Variants in SPAG16 observed in about 807,000 individuals in gnomAD.
SPAG16 encodes the protein sperm associated antigen 16.
SPAG16 carries 86 observed loss-of-function variants against 80.4 expected under a neutral mutation model. That is an observed-to-expected ratio of 1.07 (90% CI 0.90 to 1.28). SPAG16 has a LOEUF of 1.28. SPAG16 is among the 50% of genes most tolerant of loss of function. The probability of loss-of-function intolerance (pLI) is 0.00; values close to 1 mark genes in which losing one functional copy is unlikely to be tolerated. For missense variants in SPAG16, 870 were observed against 765.3 expected (o/e 1.14, Z -1.61); for synonymous variants, 294 against 265.9 (o/e 1.11, Z -1.03).
chr2:213,556,965 C>T (rs1040028895), intron 10 of SPAG16, among the ~76,000 whole-genome samples: 1 of 152,108 alleles, frequency 6.6e-6, no homozygotes, highest in East Asian at 1.9e-4. Context: ...TAATATCAGT[C>T]ATGATAGTTT....
intron 15 of SPAG16, among the ~76,000 whole-genome samples, chr2:214,163,937 A>T (rs924198755): frequency 3.9e-5 from 6 of 152,048 alleles, no homozygotes; most frequent in African/African-American, 1.4e-4. Flanking sequence ...GAGTTCAAGT[A>T]CTAATCACGT....
At chr2:213,923,185 T>C (rs534209079) in intron 11 of SPAG16, among the ~76,000 whole-genome samples, 1 of 140,948 alleles carries the variant, frequency 7.1e-6, no homozygotes, top group South Asian at 2.1e-4. Flanking sequence ...TGTCCACCAG[T>C]GGCAGGGGTT....
At chr2:214,108,327 C>A in intron 14 of SPAG16, 66 bp downstream of exon 14, 1 of 1,301,868 alleles carries the variant, frequency 7.7e-7, no homozygotes, top group Non-Finnish European at 1.1e-6. Context: ...TTTTATAAAA[C>A]AAATTTCCAA....
rs375189053 is a variant in SPAG16 at position 213,357,887 on chromosome 2, G to A, written c.763-6189G>A. 1.3e-3 allele frequency among the ~76,000 whole-genome samples: 202 copies of A among 152,298 alleles called. 1 individual carries two copies. Among genetic ancestry groups the A allele is most frequent in the South Asian group, 0.011 (52 of 4,826 alleles). ...TACAATTTGGCATGTTTTTGCAGTGGCTGGTACTGGTTGTTCCTTTCCATG... is the reference window on the plus strand; with the variant it reads ...TACAATTTGGCATGTTTTTGCAGTGACTGGTACTGGTTGTTCCTTTCCATG... On this transcript the variant is annotated intron_variant, in intron 7 of 15. Transcript: ENST00000331683.
At chr2:214,250,698 T>C (rs1294879156) in intron 15 of SPAG16, among the ~76,000 whole-genome samples, 1 of 144,974 alleles carries the variant, frequency 6.9e-6, no homozygotes, top group Non-Finnish European at 1.5e-5. Context: ...TAAAGAAATA[T>C]ATATAATTTA....
intron 11 of SPAG16, among the ~76,000 whole-genome samples, chr2:213,925,611 G>A (rs1425363001): frequency 2.6e-5 from 4 of 152,224 alleles, no homozygotes; most frequent in East Asian, 1.9e-4. Flanking sequence ...CTTGGCCTCC[G>A]AAGGTTCTGG....
At chr2:213,870,704 T>C (rs1394873879) in intron 11 of SPAG16, among the ~76,000 whole-genome samples, 1 of 152,166 alleles carries the variant, frequency 6.6e-6, no homozygotes, top group Admixed American at 6.6e-5. Flanking sequence ...TTGGTAAAAA[T>C]AGCATTATTA....
At chr2:214,356,019 TTGTGGGG>T (rs1698771388) in intron 15 of SPAG16, among the ~76,000 whole-genome samples, 1 of 103,242 alleles carries the variant, frequency 9.7e-6, no homozygotes, top group African/African-American at 3.9e-5. Context: ...CTGGGGACTG[TTGTGGGG>T]TGGGGGGAGG....
chr2:213,858,401 A>G (rs2075270785), intron 10 of SPAG16, among the ~76,000 whole-genome samples: 1 of 152,218 alleles, frequency 6.6e-6, no homozygotes, highest in Non-Finnish European at 1.5e-5. Flanking sequence ...CACCAGCAGA[A>G]AGATTATGAC....
At chr2:214,027,848 G>C (rs895050990) in intron 13 of SPAG16, among the ~76,000 whole-genome samples, 2 of 151,780 alleles carry the variant, frequency 1.3e-5, no homozygotes, top group Admixed American at 1.3e-4. Context: ...TGGTTTATTT[G>C]TTTTGACATT....
At chr2:213,918,785 T>A (rs1226545543) in intron 11 of SPAG16, among the ~76,000 whole-genome samples, 2 of 152,198 alleles carry the variant, frequency 1.3e-5, no homozygotes, top group Non-Finnish European at 2.9e-5. Flanking sequence ...CATAGACTTT[T>A]TATTACTGAT....
Position 213,770,020 on chromosome 2 carries a change from G to C in SPAG16, c.1071-92465G>C, listed in dbSNP as rs1359427292. ...CACAATATGTACTGTTTTGTCCCTG[G>C]CTTCTTTAACTCAGCATGAAGATTT... On this transcript the variant is annotated intron_variant, in intron 10 of 15. Transcript: ENST00000331683. Among the ~76,000 whole-genome samples the C allele has an allele frequency of 2.0e-5, 3 of 151,992 alleles. No individual in the cohort carries two copies. The East Asian group carries it at 5.8e-4, about 29-fold the overall frequency.
At chr2:213,525,595 C>G (rs1164540833) in intron 10 of SPAG16, among the ~76,000 whole-genome samples, 1 of 151,966 alleles carries the variant, frequency 6.6e-6, no homozygotes, top group African/African-American at 2.4e-5. Flanking sequence ...CCAATTAAAC[C>G]TCTTTCTTTA....
chr2:214,307,439 TTTGTTTGCCC>T (rs1360496602), intron 15 of SPAG16, among the ~76,000 whole-genome samples: 1 of 152,144 alleles, frequency 6.6e-6, no homozygotes, highest in Non-Finnish European at 1.5e-5. Context: ...AGCTTTAGGA[TTTGTTTGCCC>T]TTGTTTCTCT....
At chr2:214,210,757 T>C (rs2058269428) in intron 15 of SPAG16, among the ~76,000 whole-genome samples, 1 of 152,002 alleles carries the variant, frequency 6.6e-6, no homozygotes, top group Non-Finnish European at 1.5e-5. Flanking sequence ...GGAATTCTAT[T>C]CCTAGAAATC....
At chr2:214,253,265 CCT>C (rs1227144741) in intron 15 of SPAG16, among the ~76,000 whole-genome samples, 1 of 151,974 alleles carries the variant, frequency 6.6e-6, no homozygotes, top group African/African-American at 2.4e-5. Flanking sequence ...CCTGTTCACT[CCT>C]ATGATAGTTT....
chr2:213,595,006 T>C (rs944819090), intron 10 of SPAG16, among the ~76,000 whole-genome samples: 1 of 152,064 alleles, frequency 6.6e-6, no homozygotes, highest in Non-Finnish European at 1.5e-5. Context: ...TTTATATTTA[T>C]TTTAGAGGGC....
At chr2:213,887,135 T>C (rs575640509) in intron 11 of SPAG16, among the ~76,000 whole-genome samples, 34 of 152,252 alleles carry the variant, frequency 2.2e-4, no homozygotes, top group African/African-American at 7.7e-4. Context: ...GTTGACATAT[T>C]ACATAACCAC....
At chr2:214,069,129 A>G (rs768364478) in intron 13 of SPAG16, among the ~76,000 whole-genome samples, 2 of 152,164 alleles carry the variant, frequency 1.3e-5, no homozygotes, top group Non-Finnish European at 2.9e-5. Flanking sequence ...TATTTCCTAC[A>G]TAAGATAAAA....
Sources: gnomAD v4.1 joint callset for allele counts (sites outside exome capture counted in the v4.1 genomes callset) on GRCh38, gnomAD v4.1.1 for gene constraint, MANE v1.5 for transcripts, NCBI Gene and HGNC (gene_info 2026-07-23, HGNC 2026-07-21) for gene names.